The following FSTL4 variants were observed in gnomAD, a reference collection of about 807,000 sequenced individuals.
FSTL4 encodes follistatin-related protein 4.
FSTL4 carries 28 observed loss-of-function variants against 78.2 expected under a neutral mutation model. That is an observed-to-expected ratio of 0.36 (90% CI 0.27 to 0.49). FSTL4 has a LOEUF of 0.49. FSTL4 is among the 20% of genes least tolerant of loss of function. FSTL4 has a pLI of 0.98. For synonymous variants in FSTL4, 422 were observed against 440.5 expected, an observed-to-expected ratio of 0.96 and a Z score of 0.53; for missense variants, 922 against 1,084.9, an observed-to-expected ratio of 0.85 and a Z score of 2.11.
chr5:133,223,898 G>A (rs1233478211), intron 11 of FSTL4, among the ~76,000 whole-genome samples: 1 of 152,102 alleles, frequency 6.6e-6, no homozygotes, highest in African/African-American at 2.4e-5. Context: ...TCAGCTACTG[G>A]AAAAAAGTTT....
rs192096966 is a variant in FSTL4, at chr5:133,386,516, T to A, written c.409+14222A>T. On this transcript the variant is annotated intron_variant, in intron 4 of 15. Coordinates refer to ENST00000265342, the MANE Select transcript of FSTL4 (RefSeq NM_015082.2). Reference sequence around the variant, plus strand: ...CATTTCTCAGCAGTGGACTTTGCCTTCCTTTTGTATAGATTCCCCATTTCT... The same window carrying A: ...CATTTCTCAGCAGTGGACTTTGCCTACCTTTTGTATAGATTCCCCATTTCT... 9.2e-5 allele frequency among the ~76,000 whole-genome samples: 14 copies of A among 152,366 alleles called. No homozygotes were observed. The East Asian group carries it at 2.3e-3, about 25-fold the overall frequency.
At chr5:133,727,010 T>A in the FSTL4 span, among the ~76,000 whole-genome samples, 1 of 152,206 alleles carries the variant, frequency 6.6e-6, no homozygotes, top group Non-Finnish European at 1.5e-5. Flanking sequence ...GTGTATTAAC[T>A]ATGCATTGGA....
the FSTL4 span, among the ~76,000 whole-genome samples, chr5:133,774,737 T>C: frequency 6.6e-6 from 1 of 152,222 alleles, no homozygotes; most frequent in African/African-American, 2.4e-5. Context: ...TACCCTCTTA[T>C]TCTCTGTCAT....
At position 133,199,476 on chromosome 5, in the gene FSTL4, G is replaced by A; in HGVS notation, c.2148C>T (p.Ile716=). The change falls in exon 16 of 16, where the codon ATC becomes ATT. Residue 716 remains isoleucine, a synonymous_variant. Transcript: ENST00000265342. The surrounding 1 kb of genome is among the most constrained non-coding windows in gnomAD (Gnocchi z 4.4). ...GGGTCTGGATCTCGCCCCGCACTGT[G>A]ATCTCCTGCACGTGCAGCCAGGGGC... The part of the protein sequence containing the change: ...ADSPWLHVQE[I]TVRGEIQTLY... The A allele has an allele frequency of 6.2e-7, 1 of 1,614,216 alleles. No homozygotes were observed. The highest frequency in any genetic ancestry group is 8.5e-7 in the Non-Finnish European group (1 of 1,180,018).
intron 4 of FSTL4, among the ~76,000 whole-genome samples, chr5:133,388,779 T>C (rs1351729218): frequency 6.6e-6 from 1 of 152,166 alleles, no homozygotes; most frequent in Non-Finnish European, 1.5e-5. Flanking sequence ...GTCTTTAAGA[T>C]AACCAATCAC....
intron 2 of FSTL4, among the ~76,000 whole-genome samples, chr5:133,581,701 C>T (rs931477569): frequency 2.0e-5 from 3 of 152,254 alleles, no homozygotes; most frequent in Admixed American, 6.5e-5. Context: ...CAAATGGGGA[C>T]ATTTAAATAA....
chr5:133,487,931 T>C (rs1180659950), intron 3 of FSTL4, among the ~76,000 whole-genome samples: 1 of 152,226 alleles, frequency 6.6e-6, no homozygotes, highest in African/African-American at 2.4e-5. Flanking sequence ...GCCTCAGTTT[T>C]GCCATCTTTA....
chr5:133,591,551 A>G (rs1387937703), intron 2 of FSTL4, among the ~76,000 whole-genome samples: 1 of 152,050 alleles, frequency 6.6e-6, no homozygotes, highest in Admixed American at 6.5e-5. Context: ...CTCCCCTCAG[A>G]GCCCCTGGAG....
chr5:133,537,012 T>C (rs868258551), intron 3 of FSTL4, among the ~76,000 whole-genome samples: 1 of 152,174 alleles, frequency 6.6e-6, no homozygotes, highest in Admixed American at 6.6e-5. Context: ...GTTCCTAGAG[T>C]ACGGCATTTT....
intron 3 of FSTL4, among the ~76,000 whole-genome samples, chr5:133,499,514 G>T (rs1758444626): frequency 6.6e-6 from 1 of 152,026 alleles, no homozygotes; most frequent in Non-Finnish European, 1.5e-5. Context: ...GCACAAATTG[G>T]AATTACCAAC....
chr5:133,780,272 G>C, the FSTL4 span, among the ~76,000 whole-genome samples: 2 of 152,106 alleles, frequency 1.3e-5, no homozygotes, highest in Admixed American at 6.5e-5. Flanking sequence ...GACACGTGGG[G>C]ATATGGGCAG....
intron 4 of FSTL4, among the ~76,000 whole-genome samples, chr5:133,399,973 A>G (rs1457986590): frequency 6.6e-6 from 1 of 152,240 alleles, no homozygotes; most frequent in East Asian, 1.9e-4. Context: ...CAATCAACCC[A>G]GGATGTGCAT....
At chr5:133,475,785 G>A (rs1327535160) in intron 3 of FSTL4, among the ~76,000 whole-genome samples, 1 of 152,200 alleles carries the variant, frequency 6.6e-6, no homozygotes, top group Non-Finnish European at 1.5e-5. Context: ...GGAGTGGTCT[G>A]CATAATCAGC....
rs560709758 is a variant in FSTL4, at chr5:133,373,279, G to A, written c.409+27459C>T. Reference sequence around the variant, plus strand: ...CAGGGCTCTGCAGCCAACAAGAGCTGACATGACACCACCAGCCCACTGCCT... The same window carrying A: ...CAGGGCTCTGCAGCCAACAAGAGCTAACATGACACCACCAGCCCACTGCCT... On this transcript the variant is annotated intron_variant, in intron 4 of 15. Coordinates refer to ENST00000265342, the MANE Select transcript of FSTL4 (RefSeq NM_015082.2). 1.2e-4 allele frequency among the ~76,000 whole-genome samples: 18 copies of A among 152,370 alleles called. 2 individuals carry two copies. In the South Asian group the frequency reaches 2.9e-3, roughly 25 times the overall value.
intron 6 of FSTL4, among the ~76,000 whole-genome samples, chr5:133,258,795 C>T (rs1469369027): frequency 3.3e-5 from 5 of 152,222 alleles, no homozygotes; most frequent in Non-Finnish European, 5.9e-5. Flanking sequence ...CATAACACAC[C>T]CCCTCAGAAG....
the FSTL4 span, among the ~76,000 whole-genome samples, chr5:133,702,109 T>C: frequency 6.6e-6 from 1 of 152,228 alleles, no homozygotes; most frequent in Non-Finnish European, 1.5e-5. Flanking sequence ...GGAACACATT[T>C]TAGTACTGAG....
intron 3 of FSTL4, among the ~76,000 whole-genome samples, chr5:133,484,815 G>A (rs1241386709): frequency 6.6e-6 from 1 of 152,202 alleles, no homozygotes; most frequent in Non-Finnish European, 1.5e-5. Context: ...TCTGTAAAAT[G>A]GGGATTCCTT....
chr5:133,258,674 T>C (rs768755365), intron 6 of FSTL4, among the ~76,000 whole-genome samples: 1 of 152,228 alleles, frequency 6.6e-6, no homozygotes, highest in Non-Finnish European at 1.5e-5. Flanking sequence ...GTCTAGTCAC[T>C]GTTTAGGGAG....
chr5:133,322,598 G>A (rs750342858), intron 4 of FSTL4, among the ~76,000 whole-genome samples: 1 of 152,190 alleles, frequency 6.6e-6, no homozygotes, highest in Non-Finnish European at 1.5e-5. Flanking sequence ...GGTCCTCAGA[G>A]GGACTGTGTA....
Sources: gnomAD v4.1 joint callset for allele counts (sites outside exome capture counted in the v4.1 genomes callset) on GRCh38, gnomAD v4.1.1 for gene constraint, Gnocchi (gnomAD v3.1) non-coding constraint, MANE v1.5 for transcripts, NCBI Gene and HGNC (gene_info 2026-07-23, HGNC 2026-07-21) for gene names.